Variants in LRRC4C observed in about 807,000 individuals in gnomAD.
LRRC4C encodes the protein leucine rich repeat containing 4C.
Under a neutral mutation model 33.6 loss-of-function variants are expected in LRRC4C, and 5 were observed. The observed-to-expected ratio is 0.15, with a 90% confidence interval of 0.08 to 0.31. The LOEUF (loss-of-function observed/expected upper bound fraction) is 0.31, where lower values mean the gene tolerates loss of function less well. LRRC4C is among the 10% of genes least tolerant of loss of function. LRRC4C has a pLI of 1.00. For synonymous variants in LRRC4C, 329 were observed against 302.0 expected, an observed-to-expected ratio of 1.09 and a Z score of -0.93; for missense variants, 560 against 796.7, an observed-to-expected ratio of 0.70 and a Z score of 3.58.
chr11:41,005,801 T>C (rs924931530), intron 1 of LRRC4C, among the ~76,000 whole-genome samples: 1 of 152,128 alleles, frequency 6.6e-6, no homozygotes, highest in Admixed American at 6.6e-5. Flanking sequence ...AAATAAACTT[T>C]TTAAAATAAA....
At chr11:40,378,223 G>C (rs1002584909) in intron 3 of LRRC4C, among the ~76,000 whole-genome samples, 1 of 151,910 alleles carries the variant, frequency 6.6e-6, no homozygotes, top group Non-Finnish European at 1.5e-5. Flanking sequence ...TGAAGAAATT[G>C]ATCTTTGAAT....
At chr11:40,845,451 T>C (rs1335188237) in intron 2 of LRRC4C, among the ~76,000 whole-genome samples, 1 of 152,162 alleles carries the variant, frequency 6.6e-6, no homozygotes, top group African/African-American at 2.4e-5. Context: ...TGTTCCTGTG[T>C]TAGTTTGCTG....
At chr11:41,017,153 G>A (rs554968213) in intron 1 of LRRC4C, among the ~76,000 whole-genome samples, 3 of 152,262 alleles carry the variant, frequency 2.0e-5, no homozygotes, top group African/African-American at 7.2e-5. Context: ...TATTTCACAA[G>A]TTCTTATTCC....
chr11:40,202,879 G>A lies in LRRC4C; in HGVS notation c.-96+38640C>T, dbSNP rs545936994. 2.6e-4 allele frequency among the ~76,000 whole-genome samples: 40 copies of A among 152,348 alleles called. 1 individual carries two copies. The South Asian group carries it at 5.4e-3, about 21-fold the overall frequency. On this transcript the variant is annotated intron_variant, in intron 5 of 6. Coordinates refer to ENST00000528697, the MANE Select transcript of LRRC4C (RefSeq NM_001258419.2). ...TAACATCCTGCAGAGCAGGACAGAAGAGGGCTCAGCTGCCTCTCCAAGAGA... is the reference window on the plus strand; with the variant it reads ...TAACATCCTGCAGAGCAGGACAGAAAAGGGCTCAGCTGCCTCTCCAAGAGA...
chr11:40,305,619 A>T (rs896481640), intron 4 of LRRC4C, among the ~76,000 whole-genome samples: 10 of 152,118 alleles, frequency 6.6e-5, no homozygotes, highest in Non-Finnish European at 1.3e-4. Flanking sequence ...CAAAAAAAAA[A>T]AAAAGGAAGA....
intron 1 of LRRC4C, among the ~76,000 whole-genome samples, chr11:41,318,733 A>G (rs1181562717): frequency 6.6e-6 from 1 of 151,950 alleles, no homozygotes; most frequent in East Asian, 1.9e-4. Context: ...GTTTGTGGTT[A>G]TATATTTGTG....
intron 2 of LRRC4C, among the ~76,000 whole-genome samples, chr11:40,683,954 A>G (rs1307579499): frequency 2.6e-5 from 4 of 152,206 alleles, no homozygotes; most frequent in African/African-American, 7.2e-5. Flanking sequence ...ATTAGCATAA[A>G]TCTATGCCAA....
At chr11:40,301,391 T>C (rs987396756) in intron 4 of LRRC4C, among the ~76,000 whole-genome samples, 3 of 152,228 alleles carry the variant, frequency 2.0e-5, no homozygotes, top group Non-Finnish European at 2.9e-5. Flanking sequence ...TAGGAATCTT[T>C]GCACTGGGAA....
At chr11:41,214,813 GTATA>G (rs898287572) in intron 1 of LRRC4C, among the ~76,000 whole-genome samples, 1 of 144,780 alleles carries the variant, frequency 6.9e-6, no homozygotes, top group African/African-American at 2.5e-5. Context: ...ATGTGTGTGT[GTATA>G]TATATATTAT....
chr11:40,811,172 T>C (rs1951472624), intron 2 of LRRC4C, among the ~76,000 whole-genome samples: 1 of 152,142 alleles, frequency 6.6e-6, no homozygotes, highest in Non-Finnish European at 1.5e-5. Context: ...TCCTTTAATG[T>C]CTGACTCTTT....
intron 1 of LRRC4C, among the ~76,000 whole-genome samples, chr11:41,392,089 C>T (rs964401144): frequency 3.3e-5 from 5 of 151,692 alleles, no homozygotes; most frequent in Admixed American, 6.6e-5. Flanking sequence ...AGGAGAAAAC[C>T]GTTTACGAGG....
At chr11:40,962,828 T>C (rs1411996629) in intron 1 of LRRC4C, among the ~76,000 whole-genome samples, 1 of 151,858 alleles carries the variant, frequency 6.6e-6, no homozygotes, top group African/African-American at 2.4e-5. Context: ...ATTAATTAAA[T>C]TATCTTTTGT....
intron 3 of LRRC4C, among the ~76,000 whole-genome samples, chr11:40,575,648 T>A (rs555197768): frequency 6.6e-6 from 1 of 152,304 alleles, no homozygotes; most frequent in South Asian, 2.1e-4. Context: ...TTTAGTGGGG[T>A]TCTACTTATA....
intron 3 of LRRC4C, among the ~76,000 whole-genome samples, chr11:40,393,425 G>C (rs1949413230): frequency 1.3e-5 from 2 of 152,200 alleles, no homozygotes; most frequent in South Asian, 4.2e-4. Flanking sequence ...AATGACTATT[G>C]ACACATTAAG....
intron 3 of LRRC4C, among the ~76,000 whole-genome samples, chr11:40,462,250 T>G (rs752008313): frequency 6.6e-6 from 1 of 152,052 alleles, no homozygotes; most frequent in African/African-American, 2.4e-5. Flanking sequence ...TAAAACTTTG[T>G]ATAGAAACAA....
chr11:40,470,553 G>T (rs1327799364), intron 3 of LRRC4C, among the ~76,000 whole-genome samples: 1 of 152,226 alleles, frequency 6.6e-6, no homozygotes, highest in Non-Finnish European at 1.5e-5. Context: ...ATTGACAGAA[G>T]TAGGCTTCAG....
chr11:41,161,231 C>A (rs192209297), intron 1 of LRRC4C, among the ~76,000 whole-genome samples: 1 of 152,208 alleles, frequency 6.6e-6, no homozygotes, highest in Admixed American at 6.5e-5. Flanking sequence ...CCCATATGTC[C>A]TGCTTACATA....
chr11:40,898,093 G>T (rs747201419), intron 2 of LRRC4C, among the ~76,000 whole-genome samples: 1 of 152,034 alleles, frequency 6.6e-6, no homozygotes. Context: ...GGTGGCTTAC[G>T]CCTGTAATCC....
chr11:41,010,396 C>A (rs1855085010), intron 1 of LRRC4C, among the ~76,000 whole-genome samples: 1 of 152,036 alleles, frequency 6.6e-6, no homozygotes. Context: ...TTAAAAAAAT[C>A]ATTTTAAAAC....
Sources: gnomAD v4.1 joint callset for allele counts (sites outside exome capture counted in the v4.1 genomes callset) on GRCh38, gnomAD v4.1.1 for gene constraint, MANE v1.5 for transcripts, NCBI Gene and HGNC (gene_info 2026-07-23, HGNC 2026-07-21) for gene names.